TMEM178A: variants seen among roughly 807,000 people sequenced by gnomAD.
TMEM178A encodes transmembrane protein 178.
A neutral mutation model predicts 29.1 loss-of-function variants in TMEM178A; 12 were observed. That is an observed-to-expected ratio of 0.41 (90% CI 0.26 to 0.67). TMEM178A has a LOEUF of 0.67. Among genes scored for constraint, TMEM178A ranks in the 30% least tolerant of loss-of-function variants. TMEM178A has a pLI of 0.29. For missense variants in TMEM178A, 366 were observed against 419.1 expected, an observed-to-expected ratio of 0.87 and a Z score of 1.11; for synonymous variants, 210 against 187.2, an observed-to-expected ratio of 1.12 and a Z score of -0.99.
intron 1 of TMEM178A, among the ~76,000 whole-genome samples, chr2:39,701,447 A>T (rs1572682418): frequency 6.6e-6 from 1 of 151,928 alleles, no homozygotes; most frequent in East Asian, 1.9e-4. Context: ...TGTATATGAT[A>T]ATTTGCTTTT....
At chr2:39,733,029 C>A in the TMEM178A span, among the ~76,000 whole-genome samples, 6 of 152,172 alleles carry the variant, frequency 3.9e-5, no homozygotes, top group Non-Finnish European at 7.3e-5. Context: ...AAAATCTATA[C>A]CCTTACTCCA....
rs114201401 is a variant in TMEM178A at position 39,674,278 on chromosome 2, C to T, written c.400+7904C>T. ...AAAATCATGGAACCGACCCAAAGGC[C>T]CATCAATCAGAGTGGATAAAGAAAC... On this transcript the variant is annotated intron_variant, in intron 1 of 3. Transcript: ENST00000281961. 9.2e-3 allele frequency among the ~76,000 whole-genome samples: 1,399 copies of T among 152,226 alleles called. 25 individuals carry two copies. Among genetic ancestry groups the T allele is most frequent in the African/African-American group, 0.032 (1,334 of 41,514 alleles).
At chr2:39,722,005 A>C (rs1477663717), downstream of TMEM178A, among the ~76,000 whole-genome samples, 2 of 150,582 alleles carry the variant, frequency 1.3e-5, no homozygotes, top group African/African-American at 2.4e-5. Context: ...AAAAAAAAAA[A>C]AAAAAAAAAA....
Position 39,691,227 on chromosome 2 carries a change from C to A in TMEM178A, c.401-12854C>A, listed in dbSNP as rs540425921. 7.9e-5 allele frequency among the ~76,000 whole-genome samples: 12 copies of A among 152,202 alleles called. No homozygotes were observed. The East Asian group carries it at 2.3e-3, about 29-fold the overall frequency. On this transcript the variant is annotated intron_variant, in intron 1 of 3. Transcript: ENST00000281961. ...TCCAGATCCACAATGCTCAAAGAAC[C>A]CTTAATAGGCTGAACATCAAGAGAT...
chr2:39,712,041 TTGTGTGTG>T lies in TMEM178A; in HGVS notation c.652+4885_652+4892del, dbSNP rs61303746. Among the ~76,000 whole-genome samples, 37 of 139,346 alleles carry T rather than the reference TTGTGTGTG, an allele frequency of 2.7e-4. 1 individual carries two copies. Among genetic ancestry groups the T allele is most frequent in the African/African-American group, 8.7e-4 (33 of 37,766 alleles). 91.4% of individuals were successfully genotyped at this position (139,346 alleles called of 152,430 possible). A position where few individuals can be genotyped will look rare whatever the true frequency, so the allele number is the denominator to read the frequency against. On this transcript the variant is annotated intron_variant, in intron 3 of 3. Coordinates refer to ENST00000281961, the MANE Select transcript of TMEM178A (RefSeq NM_152390.3). ...GCTTTTGGGATTTAGGAATTGCATT[TTGTGTGTG>T]TGTGTGTGTGTGTGTGTGTGTGTGT...
chr2:39,672,160 A>G (rs1670432709), intron 1 of TMEM178A, among the ~76,000 whole-genome samples: 1 of 152,216 alleles, frequency 6.6e-6, no homozygotes. Context: ...TCTTGAATAG[A>G]AATTAAATTC....
chr2:39,696,512 G>T (rs1035804103), intron 1 of TMEM178A, among the ~76,000 whole-genome samples: 2 of 152,090 alleles, frequency 1.3e-5, no homozygotes, highest in African/African-American at 2.4e-5. Flanking sequence ...TGAGGTATCT[G>T]CCATTATTCT....
At chr2:39,704,643 C>G (rs932556649) in intron 2 of TMEM178A, among the ~76,000 whole-genome samples, 6 of 152,114 alleles carry the variant, frequency 3.9e-5, no homozygotes, top group Admixed American at 6.5e-5. Flanking sequence ...TCATAATTTT[C>G]TCAGAGGGTG....
At chr2:39,680,697 C>T (rs1216832529) in intron 1 of TMEM178A, among the ~76,000 whole-genome samples, 3 of 152,010 alleles carry the variant, frequency 2.0e-5, no homozygotes, top group East Asian at 3.9e-4. Context: ...CTTAATTGCC[C>T]ATTTTAAATT....
intron 1 of TMEM178A, among the ~76,000 whole-genome samples, chr2:39,668,166 T>A (rs1229323424): frequency 6.6e-6 from 1 of 152,204 alleles, no homozygotes; most frequent in Non-Finnish European, 1.5e-5. Context: ...TCCAGGGCAG[T>A]CCAGGGTCAA....
chr2:39,688,118 C>T (rs1030343139), intron 1 of TMEM178A, among the ~76,000 whole-genome samples: 2 of 152,208 alleles, frequency 1.3e-5, no homozygotes, highest in Non-Finnish European at 2.9e-5. Flanking sequence ...TGGCCTTTGG[C>T]AGGCCATTTA....
intron 3 of TMEM178A, among the ~76,000 whole-genome samples, chr2:39,713,660 G>T (rs1264227051): frequency 6.6e-6 from 1 of 152,200 alleles, no homozygotes; most frequent in Non-Finnish European, 1.5e-5. Flanking sequence ...ATCTTAGACT[G>T]TAGCCTCTAC....
intron 1 of TMEM178A, among the ~76,000 whole-genome samples, chr2:39,672,555 T>C (rs1263306224): frequency 1.3e-5 from 2 of 152,282 alleles, no homozygotes; most frequent in Middle Eastern, 3.4e-3. Flanking sequence ...AGAGTCTTGC[T>C]CTGTCTGTCA....
chr2:39,727,895 T>C, the TMEM178A span, among the ~76,000 whole-genome samples: 794 of 152,260 alleles, frequency 5.2e-3, 7 homozygotes, highest in African/African-American at 0.018. Context: ...CATGAACTCA[T>C]CCTTTTTTAT....
At chr2:39,724,005 G>T in the TMEM178A span, among the ~76,000 whole-genome samples, 1 of 152,238 alleles carries the variant, frequency 6.6e-6, no homozygotes, top group Non-Finnish European at 1.5e-5. Flanking sequence ...ACTGCACTTT[G>T]TAATTCTGTA....
intron 1 of TMEM178A, among the ~76,000 whole-genome samples, chr2:39,688,535 C>T (rs1363836081): frequency 6.6e-6 from 1 of 152,224 alleles, no homozygotes; most frequent in Non-Finnish European, 1.5e-5. Context: ...GTTGCAGCAT[C>T]TAAATGATAA....
chr2:39,681,677 A>G (rs763090121), intron 1 of TMEM178A, among the ~76,000 whole-genome samples: 1 of 152,204 alleles, frequency 6.6e-6, no homozygotes, highest in Non-Finnish European at 1.5e-5. Flanking sequence ...TACAAAATCC[A>G]TGGGAGACTA....
At chr2:39,730,666 A>G in the TMEM178A span, among the ~76,000 whole-genome samples, 32 of 152,102 alleles carry the variant, frequency 2.1e-4, no homozygotes, top group African/African-American at 7.5e-4. Context: ...AGATGGAGAG[A>G]CCAATGGATG....
upstream of TMEM178A, chr2:39,665,841 C>G (rs1353094543): frequency 6.7e-6 from 5 of 747,932 alleles, no homozygotes; most frequent in African/African-American, 1.9e-4. Flanking sequence ...GCTCGCAGGG[C>G]GAGGAGGCCG....
Sources: gnomAD v4.1 joint callset for allele counts (sites outside exome capture counted in the v4.1 genomes callset) on GRCh38, gnomAD v4.1.1 for gene constraint, MANE v1.5 for transcripts, NCBI Gene and HGNC (gene_info 2026-07-23, HGNC 2026-07-21) for gene names.